The following FHIT variants were observed in gnomAD, a reference collection of about 807,000 sequenced individuals.
The protein encoded by FHIT is fragile histidine triad diadenosine triphosphatase, also known as bis(5'-adenosyl)-triphosphatase.
A neutral mutation model predicts 17.9 loss-of-function variants in FHIT; 19 were observed. The observed-to-expected ratio is 1.06, with a 90% confidence interval of 0.74 to 1.56. The LOEUF (loss-of-function observed/expected upper bound fraction) is 1.56. Ranked by LOEUF, FHIT falls within the 40% of genes most tolerant of loss-of-function variation. The pLI is 0.00. For synonymous variants in FHIT, 81 were observed against 69.7 expected (o/e 1.16, Z -0.81); for missense variants, 248 against 189.2 (o/e 1.31, Z -1.82).
chr3:60,132,082 G>A lies in FHIT; in HGVS notation c.104-117930C>T, dbSNP rs568044130. Among the ~76,000 whole-genome samples, 57 of 152,138 alleles carry A rather than the reference G, an allele frequency of 3.7e-4. 1 individual carries two copies. In the South Asian group the frequency reaches 9.1e-3, roughly 24 times the overall value. On this transcript the variant is annotated intron_variant, in intron 5 of 9. Transcript: ENST00000492590. ...CTCTCTCCATCTGCCTTCTACAGTCGGACCTTCACATCTTTCAGGCTGAGA... is the reference window on the plus strand; with the variant it reads ...CTCTCTCCATCTGCCTTCTACAGTCAGACCTTCACATCTTTCAGGCTGAGA...
chr3:61,013,841 C>A (rs2031928828), intron 3 of FHIT, among the ~76,000 whole-genome samples: 1 of 152,206 alleles, frequency 6.6e-6, no homozygotes, highest in African/African-American at 2.4e-5. Context: ...AGCCTGATTT[C>A]TTTCACAGTT....
intron 3 of FHIT, among the ~76,000 whole-genome samples, chr3:60,878,468 T>C (rs1704777284): frequency 6.6e-6 from 1 of 152,094 alleles, no homozygotes; most frequent in Non-Finnish European, 1.5e-5. Flanking sequence ...TAACAACCTA[T>C]GTTGTCACTG....
intron 7 of FHIT, among the ~76,000 whole-genome samples, chr3:59,959,313 T>C (rs572510326): frequency 2.8e-4 from 43 of 152,330 alleles, no homozygotes; most frequent in Non-Finnish European, 5.7e-4. Flanking sequence ...TATGACAAGA[T>C]ACTAAGAAGA....
intron 3 of FHIT, among the ~76,000 whole-genome samples, chr3:60,859,141 G>A (rs1456046051): frequency 6.6e-6 from 1 of 152,130 alleles, no homozygotes; most frequent in Non-Finnish European, 1.5e-5. Context: ...CCCACTAAGA[G>A]CAGTATTCAA....
intron 5 of FHIT, among the ~76,000 whole-genome samples, chr3:60,096,823 T>C (rs933972594): frequency 4.4e-4 from 66 of 150,294 alleles, no homozygotes; most frequent in African/African-American, 1.6e-3. Context: ...AACCAGAGAG[T>C]AGGAAAAGCT....
At chr3:60,445,514 C>T (rs2031269229) in intron 5 of FHIT, among the ~76,000 whole-genome samples, 1 of 151,930 alleles carries the variant, frequency 6.6e-6, no homozygotes, top group South Asian at 2.1e-4. Context: ...TGGCTCTTCT[C>T]TTGGAACTGA....
intron 8 of FHIT, among the ~76,000 whole-genome samples, chr3:59,832,815 C>T (rs564890815): frequency 3.9e-5 from 6 of 152,316 alleles, no homozygotes; most frequent in Non-Finnish European, 8.8e-5. Context: ...GCTATCTTCC[C>T]TATCATTGAG....
At chr3:60,069,340 A>G (rs1313574027) in intron 5 of FHIT, among the ~76,000 whole-genome samples, 2 of 152,260 alleles carry the variant, frequency 1.3e-5, no homozygotes, top group African/African-American at 4.8e-5. Flanking sequence ...ACAGTAAATT[A>G]CAGGTTATGT....
intron 5 of FHIT, among the ~76,000 whole-genome samples, chr3:60,368,755 G>A (rs1700209181): frequency 2.0e-5 from 3 of 152,038 alleles, no homozygotes; most frequent in Admixed American, 2.0e-4. Flanking sequence ...GCCTGAGACT[G>A]TAAGATATTT....
At chr3:60,683,744 A>T (rs1208350245) in intron 4 of FHIT, among the ~76,000 whole-genome samples, 3 of 152,086 alleles carry the variant, frequency 2.0e-5, no homozygotes, top group Non-Finnish European at 4.4e-5. Flanking sequence ...TGGTTATTTT[A>T]CTGTGTTTTA....
At chr3:60,952,279 G>A (rs1211658524) in intron 3 of FHIT, among the ~76,000 whole-genome samples, 1 of 150,996 alleles carries the variant, frequency 6.6e-6, no homozygotes, top group Admixed American at 6.6e-5. Context: ...AACCACTATA[G>A]TGGGGAAAGA....
intron 1 of FHIT, among the ~76,000 whole-genome samples, chr3:61,213,214 T>C (rs1450414106): frequency 9.2e-5 from 14 of 152,242 alleles, no homozygotes; most frequent in South Asian, 2.1e-4. Context: ...GACTGGCAAA[T>C]TGGATAAAGA....
At chr3:61,102,840 T>C (rs934525067) in intron 2 of FHIT, among the ~76,000 whole-genome samples, 5 of 152,216 alleles carry the variant, frequency 3.3e-5, no homozygotes, top group African/African-American at 7.2e-5. Context: ...TTTATTTGCA[T>C]AGAGGTGTTT....
intron 1 of FHIT, among the ~76,000 whole-genome samples, chr3:61,207,733 A>C (rs7612078): frequency 0.028 from 4,307 of 151,924 alleles, 199 homozygotes; most frequent in African/African-American, 0.098. Flanking sequence ...GTCTTGCTAG[A>C]GGTCTATCAA....
intron 3 of FHIT, among the ~76,000 whole-genome samples, chr3:60,885,998 G>A (rs111450465): frequency 0.017 from 2,552 of 152,206 alleles, 83 homozygotes; most frequent in African/African-American, 0.057. Flanking sequence ...GCAATATCTT[G>A]TCTTTCCTAA....
chr3:60,389,991 C>T (rs1049443128), intron 5 of FHIT, among the ~76,000 whole-genome samples: 6 of 152,254 alleles, frequency 3.9e-5, no homozygotes, highest in African/African-American at 7.2e-5. Flanking sequence ...CCTCTGAAAA[C>T]GCTTTTCACA....
At chr3:61,176,915 C>T (rs1178734944) in intron 2 of FHIT, among the ~76,000 whole-genome samples, 1 of 152,178 alleles carries the variant, frequency 6.6e-6, no homozygotes, top group Non-Finnish European at 1.5e-5. Context: ...GTGGCTCACG[C>T]CTGTAACCCC....
intron 5 of FHIT, among the ~76,000 whole-genome samples, chr3:60,181,780 A>G (rs892280763): frequency 6.6e-6 from 1 of 152,162 alleles, no homozygotes; most frequent in African/African-American, 2.4e-5. Flanking sequence ...ATAGCCTTCA[A>G]GATATTGTCA....
chr3:60,605,899 T>C (rs2038592637), intron 4 of FHIT, among the ~76,000 whole-genome samples: 2 of 152,166 alleles, frequency 1.3e-5, no homozygotes, highest in African/African-American at 4.8e-5. Flanking sequence ...GAATGTCCTA[T>C]ATGTATCTGT....
Sources: allele counts gnomAD v4.1 joint callset (sites outside exome capture counted in the v4.1 genomes callset), GRCh38; gene constraint gnomAD v4.1.1; transcripts MANE v1.5; gene names NCBI Gene and HGNC (gene_info 2026-07-23, HGNC 2026-07-21).